The following CAST variants were observed in gnomAD, a reference collection of about 807,000 sequenced individuals.
The protein encoded by CAST is MIR583 host.
CAST carries 76 observed loss-of-function variants against 119.6 expected under a neutral mutation model. The ratio of observed to expected loss-of-function variants is 0.64; its 90% confidence interval spans 0.53 to 0.77. The LOEUF is 0.77. CAST is among the 30% of genes least tolerant of loss of function. The pLI, the probability that CAST is intolerant of heterozygous loss-of-function variation, is 0.00. For missense variants in CAST, 953 were observed against 946.5 expected (o/e 1.01, Z -0.09); for synonymous variants, 319 against 331.6 (o/e 0.96, Z 0.41).
the CAST span, among the ~76,000 whole-genome samples, chr5:96,381,690 C>A: frequency 6.6e-6 from 1 of 152,184 alleles, no homozygotes; most frequent in Non-Finnish European, 1.5e-5. Context: ...GTGAGTGCAG[C>A]TCTTGGTCTC....
At chr5:95,971,189 A>C in the CAST span, among the ~76,000 whole-genome samples, 1 of 152,174 alleles carries the variant, frequency 6.6e-6, no homozygotes, top group African/African-American at 2.4e-5. Context: ...TGGTATATTG[A>C]CTAAGTATAT....
intron 3 of CAST, among the ~76,000 whole-genome samples, chr5:96,707,649 T>G (rs1247970326): frequency 6.6e-6 from 1 of 152,088 alleles, no homozygotes; most frequent in Non-Finnish European, 1.5e-5. Flanking sequence ...ACAGGGAAGG[T>G]CTCTAATGAA....
chr5:96,083,007 A>G, the CAST span, among the ~76,000 whole-genome samples: 1 of 152,204 alleles, frequency 6.6e-6, no homozygotes, highest in Non-Finnish European at 1.5e-5. Context: ...ATGTGCCATT[A>G]TTTCACTCAG....
chr5:96,151,495 A>G, the CAST span, among the ~76,000 whole-genome samples: 1 of 152,188 alleles, frequency 6.6e-6, no homozygotes, highest in Non-Finnish European at 1.5e-5. Flanking sequence ...CAAATTAAAA[A>G]GAATCATAAA....
the CAST span, among the ~76,000 whole-genome samples, chr5:96,490,378 G>GTGTA: frequency 3.9e-3 from 595 of 150,872 alleles, 4 homozygotes; most frequent in African/African-American, 0.014. Flanking sequence ...GTGTGTGTGT[G>GTGTA]TGTATGTAAA....
At chr5:96,536,299 C>T (rs538469704) in intron 1 of CAST, among the ~76,000 whole-genome samples, 3 of 152,092 alleles carry the variant, frequency 2.0e-5, no homozygotes, top group African/African-American at 2.4e-5. Context: ...GTGGAGGTTA[C>T]GGTGAGCCGA....
At chr5:96,748,797 G>A (rs1345125571) in intron 19 of CAST, 184 bp downstream of exon 19, 6 of 499,754 alleles carry the variant, frequency 1.2e-5, no homozygotes, top group Non-Finnish European at 2.1e-5. Context: ...TGATATTCTT[G>A]CAATTGAAGT....
the CAST span, among the ~76,000 whole-genome samples, chr5:96,238,323 TTCTTCTTCTTCTTCTTCTTCTTCA>T: frequency 4.9e-5 from 2 of 40,754 alleles, no homozygotes; most frequent in African/African-American, 1.3e-4. Flanking sequence ...CTTCTTCTTC[TTCTTCTTCTTCTTCTTCTTCTTCA>T]TCTTCATCTT....
intron 1 of CAST, among the ~76,000 whole-genome samples, chr5:96,646,736 T>C (rs1298706691): frequency 6.6e-6 from 1 of 152,240 alleles, no homozygotes; most frequent in Admixed American, 6.5e-5. Flanking sequence ...AACTTATTTG[T>C]TTTAAACACA....
At chr5:96,267,907 G>A in the CAST span, among the ~76,000 whole-genome samples, 7 of 152,100 alleles carry the variant, frequency 4.6e-5, 1 homozygote, top group South Asian at 8.3e-4. Context: ...CTGAGACAAC[G>A]TAAAGTCAAA....
the CAST span, among the ~76,000 whole-genome samples, chr5:96,083,750 A>T: frequency 6.6e-6 from 1 of 152,196 alleles, no homozygotes; most frequent in Non-Finnish European, 1.5e-5. Context: ...GTGGGGACTA[A>T]TCTCATTTCC....
chr5:96,199,663 T>A, the CAST span, among the ~76,000 whole-genome samples: 2 of 152,162 alleles, frequency 1.3e-5, no homozygotes, highest in African/African-American at 4.8e-5. Context: ...TTAGGATGAC[T>A]TTGAATATTC....
At chr5:96,080,716 CTG>C in the CAST span, among the ~76,000 whole-genome samples, 5 of 152,200 alleles carry the variant, frequency 3.3e-5, no homozygotes, top group African/African-American at 1.2e-4. Context: ...ACTCATCTAA[CTG>C]TGACTTTGCA....
the CAST span, among the ~76,000 whole-genome samples, chr5:96,166,952 T>TG: frequency 3.3e-5 from 5 of 152,150 alleles, no homozygotes; most frequent in South Asian, 8.3e-4. Context: ...ACGAGCGGCT[T>TG]GGGAACCTAG....
intron 1 of CAST, among the ~76,000 whole-genome samples, chr5:96,568,115 C>T (rs1327030410): frequency 6.6e-6 from 1 of 152,026 alleles, no homozygotes; most frequent in Non-Finnish European, 1.5e-5. Flanking sequence ...TAGTGAAGAT[C>T]CTTTCGCATT....
intron 1 of CAST, 148 bp downstream of exon 1, chr5:96,662,645 C>T (rs976435158): frequency 2.7e-6 from 3 of 1,110,086 alleles, no homozygotes; most frequent in African/African-American, 1.7e-5. Flanking sequence ...GGGGCTTGGC[C>T]GCTGCCAGGC....
the CAST span, among the ~76,000 whole-genome samples, chr5:96,144,003 C>T: frequency 1.4e-3 from 218 of 152,158 alleles, no homozygotes; most frequent in Middle Eastern, 6.8e-3. Flanking sequence ...CTTGGTAGGA[C>T]GGCCTCTGAG....
the CAST span, among the ~76,000 whole-genome samples, chr5:96,174,334 C>T: frequency 6.6e-3 from 1,012 of 152,306 alleles, 10 homozygotes; most frequent in African/African-American, 0.023. Context: ...AGGATATTCT[C>T]CAATTTTCAC....
At chr5:96,321,602 G>A in the CAST span, among the ~76,000 whole-genome samples, 3 of 152,122 alleles carry the variant, frequency 2.0e-5, no homozygotes, top group Non-Finnish European at 4.4e-5. Context: ...GGCTCTTGAA[G>A]GAATTTTACA....
Sources: gnomAD v4.1 joint callset for allele counts (sites outside exome capture counted in the v4.1 genomes callset) on GRCh38, gnomAD v4.1.1 for gene constraint, MANE v1.5 for transcripts, NCBI Gene and HGNC (gene_info 2026-07-23, HGNC 2026-07-21) for gene names.